The following FBXL13 variants were observed in gnomAD, a reference collection of about 807,000 sequenced individuals.
The protein encoded by FBXL13 is F-box and leucine rich repeat protein 13.
A neutral mutation model predicts 83.6 loss-of-function variants in FBXL13; 67 were observed. The observed-to-expected ratio is 0.80, with a 90% CI of 0.66 to 0.98. FBXL13 has a LOEUF of 0.98. FBXL13 is among the 50% of genes least tolerant of loss of function. FBXL13 has a pLI of 0.00. For missense variants in FBXL13, 822 were observed against 866.5 expected (o/e 0.95, Z 0.64); for synonymous variants, 272 against 299.5 (o/e 0.91, Z 0.95).
intron 7 of FBXL13, among the ~76,000 whole-genome samples, chr7:102,965,328 T>C (rs1288054493): frequency 1.3e-5 from 2 of 152,102 alleles, no homozygotes; most frequent in Non-Finnish European, 2.9e-5. Context: ...TTTTTTTTCA[T>C]CTGTAAAATG....
At chr7:102,939,718 C>T (rs1019793904) in intron 8 of FBXL13, 2 of 819,150 alleles carry the variant, frequency 2.4e-6, no homozygotes, top group African/African-American at 3.4e-5. Context: ...TTTAATTAAA[C>T]ATGACACTTA....
chr7:102,986,378 C>A (rs1187321018), intron 6 of FBXL13, among the ~76,000 whole-genome samples: 1 of 152,154 alleles, frequency 6.6e-6, no homozygotes, highest in Non-Finnish European at 1.5e-5. Context: ...CCCATGTAGA[C>A]CTTCCTAAAA....
In FBXL13 at chr7:102,912,450, T is replaced by C. The variant is rs544151009; in HGVS notation, c.1008+636A>G. ...CTTTTGAAATTAAAGCAGAAGAAAC[T>C]ATCAATGAGGCAGTAGCTACATCCA... On this transcript the variant is annotated intron_variant, in intron 11 of 19. Transcript: ENST00000313221. Among the ~76,000 whole-genome samples, 7 of 152,224 alleles carry C rather than the reference T, an allele frequency of 4.6e-5. No individual in the cohort carries two copies. In the East Asian group the frequency reaches 9.6e-4, roughly 21 times the overall value.
At chr7:102,851,445 T>TTCCTTCCTTCCCTCCCTCCC (rs1562994120) in intron 17 of FBXL13, among the ~76,000 whole-genome samples, 2 of 149,580 alleles carry the variant, frequency 1.3e-5, no homozygotes, top group South Asian at 4.2e-4. Context: ...TCTTCCCTCC[T>TTCCTTCCTTCCCTCCCTCCC]TCCTTCCTTC....
chr7:103,032,973 C>A (rs546710819), intron 2 of FBXL13, among the ~76,000 whole-genome samples: 3 of 152,050 alleles, frequency 2.0e-5, no homozygotes, highest in Non-Finnish European at 4.4e-5. Context: ...CTGCAGTGAG[C>A]AAGCTATGAT....
chr7:102,960,061 G>A (rs2129478502), intron 8 of FBXL13, among the ~76,000 whole-genome samples: 1 of 151,958 alleles, frequency 6.6e-6, no homozygotes, highest in South Asian at 2.1e-4. Flanking sequence ...TAGGTTTGAG[G>A]GAAGTGAAAA....
At chr7:103,073,446 A>G (rs183750147) in intron 1 of FBXL13, among the ~76,000 whole-genome samples, 219 of 152,216 alleles carry the variant, frequency 1.4e-3, no homozygotes, top group Admixed American at 3.0e-3. Flanking sequence ...TGGAGCCACT[A>G]CACCCTAGCC....
intron 17 of FBXL13, among the ~76,000 whole-genome samples, chr7:102,840,101 G>A (rs887315489): frequency 6.6e-6 from 1 of 152,068 alleles, no homozygotes; most frequent in African/African-American, 2.4e-5. Flanking sequence ...TAAAAAGAAG[G>A]AAAATTGGAA....
At chr7:102,884,143 G>A in intron 12 of FBXL13, 71 bp downstream of exon 13, 1 of 1,073,392 alleles carries the variant, frequency 9.3e-7, no homozygotes, top group Non-Finnish European at 1.4e-6. Context: ...ATATTTTTCA[G>A]TAATTCAAGC....
chr7:103,072,488 A>AG (rs1416528242), intron 1 of FBXL13, among the ~76,000 whole-genome samples: 1 of 152,132 alleles, frequency 6.6e-6, no homozygotes, highest in Non-Finnish European at 1.5e-5. Context: ...TTTCACCCAG[A>AG]GGGGGAACTG....
At chr7:102,911,389 A>C (rs1173285046) in intron 11 of FBXL13, among the ~76,000 whole-genome samples, 1 of 152,192 alleles carries the variant, frequency 6.6e-6, no homozygotes, top group African/African-American at 2.4e-5. Context: ...GCGAGTTAGA[A>C]AAGTACTGAA....
intron 8 of FBXL13, among the ~76,000 whole-genome samples, chr7:102,960,750 T>C (rs1441523614): frequency 3.3e-5 from 5 of 151,616 alleles, no homozygotes; most frequent in Non-Finnish European, 5.9e-5. Flanking sequence ...ATTATCTCAA[T>C]AGATGCAGAA....
At chr7:102,815,444 TC>T (rs2129444768) in intron 19 of FBXL13, among the ~76,000 whole-genome samples, 1 of 152,258 alleles carries the variant, frequency 6.6e-6, no homozygotes. Flanking sequence ...CCTTTAACCC[TC>T]TTGGCTTCTG....
At chr7:102,962,007 G>T (rs1414653483) in intron 8 of FBXL13, among the ~76,000 whole-genome samples, 1 of 150,346 alleles carries the variant, frequency 6.7e-6, no homozygotes, top group Non-Finnish European at 1.5e-5. Context: ...AAACTAAAGA[G>T]CTTCTGCACA....
At chr7:103,003,651 G>A (rs555694364) in intron 6 of FBXL13, among the ~76,000 whole-genome samples, 17 of 151,878 alleles carry the variant, frequency 1.1e-4, no homozygotes, top group Admixed American at 3.3e-4. Flanking sequence ...GCATGATCTC[G>A]GCTCACTGCA....
At chr7:102,986,805 G>C (rs1829012867) in intron 6 of FBXL13, among the ~76,000 whole-genome samples, 1 of 151,858 alleles carries the variant, frequency 6.6e-6, no homozygotes, top group Non-Finnish European at 1.5e-5. Context: ...TCAGAGATCA[G>C]TTGGTTGTAA....
intron 8 of FBXL13, chr7:102,934,118 G>A: frequency 6.2e-7 from 1 of 1,614,100 alleles, no homozygotes; most frequent in Non-Finnish European, 8.5e-7. Flanking sequence ...AGATTGTCAA[G>A]AAAGAAAATT....
intron 11 of FBXL13, among the ~76,000 whole-genome samples, chr7:102,897,749 T>C (rs1812432347): frequency 6.6e-6 from 1 of 152,216 alleles, no homozygotes; most frequent in African/African-American, 2.4e-5. Context: ...TTAGTGAGAA[T>C]AGTCACCATA....
intron 2 of FBXL13, among the ~76,000 whole-genome samples, chr7:103,036,634 C>A (rs140472195): frequency 6.6e-6 from 1 of 152,248 alleles, no homozygotes; most frequent in Admixed American, 6.5e-5. Context: ...GCCTTAGTCT[C>A]CTCAGTAACT....
Sources: gnomAD v4.1 joint callset for allele counts (sites outside exome capture counted in the v4.1 genomes callset) on GRCh38, gnomAD v4.1.1 for gene constraint, MANE v1.5 for transcripts, NCBI Gene and HGNC (gene_info 2026-07-23, HGNC 2026-07-21) for gene names.